The following SHROOM2 variants were observed in gnomAD, a reference collection of about 807,000 sequenced individuals.
SHROOM2 encodes shroom family member 2.
Under a neutral mutation model 75.9 loss-of-function variants are expected in SHROOM2, and 33 were observed. That is an observed-to-expected ratio of 0.43 (90% CI 0.33 to 0.58). SHROOM2 has a LOEUF of 0.58. Among genes scored for constraint, SHROOM2 ranks in the 20% least tolerant of loss-of-function variants. The pLI is 0.04. For synonymous variants in SHROOM2, 655 were observed against 663.6 expected (o/e 0.99, Z 0.20); for missense variants, 1,434 against 1,461.2 (o/e 0.98, Z 0.30).
rs1371403035 is a variant in SHROOM2, at chrX:9,895,408, C to T, written c.1500C>T (p.Ala500=). ...CGGGATGCTGGCCTTCTGACACAGC[C>T]CTTGGAGCCCTCGAGAGTCTTCCCC... ...LWAGCWPSDT[A]LGALESLPPP... is the part of the protein sequence containing the mutation. Residue 500 remains alanine (A), a synonymous_variant, in exon 4 of 10, where the codon GCC becomes GCT. Transcript: ENST00000380913. The T allele has an allele frequency of 2.5e-6, 3 of 1,204,983 alleles. No homozygotes were observed. Among genetic ancestry groups the T allele is most frequent in the Non-Finnish European group, 3.4e-6 (3 of 892,953 alleles).
At chrX:9,829,523 G>T (rs912608322) in intron 1 of SHROOM2, among the ~76,000 whole-genome samples, 1 of 111,984 alleles carries the variant, frequency 8.9e-6, no homozygotes, top group African/African-American at 3.2e-5. Flanking sequence ...CATGATGGGG[G>T]CCGCTGTTGA....
intron 5 of SHROOM2, among the ~76,000 whole-genome samples, chrX:9,916,502 C>T (rs1051576174): frequency 1.2e-4 from 13 of 111,780 alleles, no homozygotes; most frequent in African/African-American, 4.2e-4. Flanking sequence ...GCTAGGCAGG[C>T]GCTAGAAAAT....
intron 1 of SHROOM2, among the ~76,000 whole-genome samples, chrX:9,866,718 T>C (rs62588862): frequency 0.24 from 26,319 of 110,964 alleles, 2,731 homozygotes; most frequent in African/African-American, 0.39. Context: ...GCTGTAGTGA[T>C]GAGTTCACTC....
intron 5 of SHROOM2, among the ~76,000 whole-genome samples, chrX:9,910,567 A>G (rs758256521): frequency 8.1e-5 from 9 of 110,707 alleles, no homozygotes; most frequent in African/African-American, 2.0e-4. Context: ...CTGTAATCCC[A>G]GCACTTTGGG....
At chrX:9,792,129 T>C (rs771668675) in intron 1 of SHROOM2, among the ~76,000 whole-genome samples, 1 of 23,171 alleles carries the variant, frequency 4.3e-5, no homozygotes, top group Non-Finnish European at 1.1e-4. Flanking sequence ...TAGAATAGAA[T>C]AGAATAGAAT....
chrX:9,885,235 A>T (rs1484885999), intron 2 of SHROOM2, among the ~76,000 whole-genome samples: 1 of 110,692 alleles, frequency 9.0e-6, no homozygotes, highest in African/African-American at 3.3e-5. Flanking sequence ...TAAAGTGTTT[A>T]AAGAGTGCGT....
intron 5 of SHROOM2, among the ~76,000 whole-genome samples, chrX:9,930,142 G>T (rs1027257722): frequency 9.0e-6 from 1 of 111,536 alleles, no homozygotes; most frequent in Admixed American, 9.6e-5. Context: ...GGGTCTATGG[G>T]TGATAGATTT....
At chrX:9,809,862 G>C (rs1244744749) in intron 1 of SHROOM2, among the ~76,000 whole-genome samples, 1 of 111,493 alleles carries the variant, frequency 9.0e-6, no homozygotes, top group Non-Finnish European at 1.9e-5. Context: ...TTTTAGTAGA[G>C]ACGGGGTTTC....
At chrX:9,797,170 C>G (rs953597687) in intron 1 of SHROOM2, among the ~76,000 whole-genome samples, 6 of 112,409 alleles carry the variant, frequency 5.3e-5, no homozygotes, top group Middle Eastern at 4.2e-3. Flanking sequence ...CCCAGCCTCC[C>G]TAGCAGTTAG....
chrX:9,841,900 C>CA (rs2083981227), intron 1 of SHROOM2, among the ~76,000 whole-genome samples: 2 of 110,797 alleles, frequency 1.8e-5, no homozygotes, highest in African/African-American at 6.6e-5. Context: ...AAGAAGCAAA[C>CA]AAAAAAATAA....
At chrX:9,876,907 G>A (rs936075996) in intron 2 of SHROOM2, among the ~76,000 whole-genome samples, 2 of 112,352 alleles carry the variant, frequency 1.8e-5, no homozygotes, top group Admixed American at 9.4e-5. Flanking sequence ...GGGCTCAAGC[G>A]ATCTTCCCAA....
chrX:9,879,180 C>A (rs1039754797), intron 2 of SHROOM2, among the ~76,000 whole-genome samples: 7 of 111,615 alleles, frequency 6.3e-5, no homozygotes, highest in African/African-American at 2.3e-4. Context: ...TCAAGTGATC[C>A]TCTTGCCTCA....
chrX:9,828,758 C>T (rs1222630318), intron 1 of SHROOM2, among the ~76,000 whole-genome samples: 1 of 111,307 alleles, frequency 9.0e-6, no homozygotes, highest in Non-Finnish European at 1.9e-5. Flanking sequence ...GCCACTGTGC[C>T]CAGCTTTCCT....
intron 1 of SHROOM2, among the ~76,000 whole-genome samples, chrX:9,861,398 A>G (rs1185268904): frequency 1.8e-5 from 2 of 111,938 alleles, no homozygotes; most frequent in Non-Finnish European, 3.8e-5. Flanking sequence ...CAAAACTCCT[A>G]GTCTCAAGTG....
chrX:9,908,096 T>C (rs939150688), intron 5 of SHROOM2, among the ~76,000 whole-genome samples: 2 of 112,787 alleles, frequency 1.8e-5, no homozygotes, highest in African/African-American at 3.2e-5. Context: ...CAACATGATA[T>C]CCATCTCCCC....
chrX:9,837,003 C>T (rs1886561730), intron 1 of SHROOM2, among the ~76,000 whole-genome samples: 1 of 112,377 alleles, frequency 8.9e-6, no homozygotes. Flanking sequence ...TTTGACTCCG[C>T]ATCATATTTT....
chrX:9,786,500 G>T lies in SHROOM2; in HGVS notation c.-46G>T, dbSNP rs1601901347. 4 of 835,940 alleles carry T rather than the reference G, an allele frequency of 4.8e-6. No individual in the cohort carries two copies. Among genetic ancestry groups the T allele is most frequent in the East Asian group, 6.9e-5 (1 of 14,502 alleles). The allele number at this position is 835,940 out of a possible 1,213,427, so 68.9% of individuals were successfully genotyped here. ...CCCTTGCGATCCCACGGCCGGGACTGCCCGGAGTGCATGGGCGCGGGCCAG... is the reference window on the plus strand; with the variant it reads ...CCCTTGCGATCCCACGGCCGGGACTTCCCGGAGTGCATGGGCGCGGGCCAG... On this transcript the variant is annotated 5_prime_UTR_variant, in exon 1 of 10. Coordinates refer to ENST00000380913, the MANE Select transcript of SHROOM2 (RefSeq NM_001649.4).
chrX:9,840,767 G>GT (rs1280272307), intron 1 of SHROOM2, among the ~76,000 whole-genome samples: 2 of 111,649 alleles, frequency 1.8e-5, no homozygotes, highest in East Asian at 5.6e-4. Context: ...GATGTTAAAT[G>GT]TTTGTCTTTT....
chrX:9,798,389 T>A (rs1171697994), intron 1 of SHROOM2, among the ~76,000 whole-genome samples: 1 of 112,277 alleles, frequency 8.9e-6, no homozygotes, highest in Non-Finnish European at 1.9e-5. Flanking sequence ...TGTATAATGC[T>A]TTGTACAGTG....
Sources: allele counts gnomAD v4.1 joint callset (sites outside exome capture counted in the v4.1 genomes callset), GRCh38; gene constraint gnomAD v4.1.1; transcripts MANE v1.5; gene names NCBI Gene and HGNC (gene_info 2026-07-23, HGNC 2026-07-21).